TNRC6A: variants seen among roughly 807,000 people sequenced by gnomAD.
TNRC6A encodes the protein trinucleotide repeat-containing gene 6A protein.
A neutral mutation model predicts 221.2 loss-of-function variants in TNRC6A; 44 were observed. That is an observed-to-expected ratio of 0.20 (90% CI 0.16 to 0.26). The LOEUF (loss-of-function observed/expected upper bound fraction) is 0.26. Among genes scored for constraint, TNRC6A ranks in the 10% least tolerant of loss-of-function variants. TNRC6A has a pLI of 1.00. For missense variants in TNRC6A, 2,199 were observed against 2,404.4 expected (o/e 0.91, Z 1.79); for synonymous variants, 847 against 838.5 (o/e 1.01, Z -0.18).
intron 4 of TNRC6A, among the ~76,000 whole-genome samples, chr16:24,770,488 G>C (rs940298331): frequency 6.6e-6 from 1 of 152,174 alleles, no homozygotes; most frequent in Non-Finnish European, 1.5e-5. Context: ...TGGAGACACA[G>C]GATGCATTTG....
At chr16:24,816,626 G>C in intron 19 of TNRC6A, 190 bp from the exon 20 acceptor site, 1 of 651,830 alleles carries the variant, frequency 1.5e-6, no homozygotes. Flanking sequence ...GTAAAAACTT[G>C]CAAGTAATTT....
At chr16:24,772,654 A>G (rs972310788) in intron 4 of TNRC6A, among the ~76,000 whole-genome samples, 4 of 152,100 alleles carry the variant, frequency 2.6e-5, no homozygotes, top group African/African-American at 9.7e-5. Flanking sequence ...CTGGTGGCAC[A>G]CACCTGTAAT....
At chr16:24,720,173 G>T (rs1023181703) in intron 2 of TNRC6A, among the ~76,000 whole-genome samples, 1 of 152,140 alleles carries the variant, frequency 6.6e-6, no homozygotes, top group Non-Finnish European at 1.5e-5. Flanking sequence ...AAAAGAAGAT[G>T]ATCTCACTTT....
At chr16:24,757,171 A>C (rs1567430697) in intron 3 of TNRC6A, among the ~76,000 whole-genome samples, 1 of 152,174 alleles carries the variant, frequency 6.6e-6, no homozygotes, top group Non-Finnish European at 1.5e-5. Flanking sequence ...ATAGAGTAAA[A>C]GATGAGCCTC....
At chr16:24,677,164 CT>C (rs57906267) in intron 2 of TNRC6A, among the ~76,000 whole-genome samples, 1,928 of 138,754 alleles carry the variant, frequency 0.014, 35 homozygotes, top group African/African-American at 0.041. Flanking sequence ...CTTTTTTTTT[CT>C]TTTTTTTTTT....
At chr16:24,814,124 C>T (rs1404106317) in intron 18 of TNRC6A, among the ~76,000 whole-genome samples, 1 of 152,200 alleles carries the variant, frequency 6.6e-6, no homozygotes, top group South Asian at 2.1e-4. Context: ...TAGGTCAGTG[C>T]CCACCAGCGA....
At chr16:24,718,272 C>T (rs2056351130) in intron 2 of TNRC6A, among the ~76,000 whole-genome samples, 1 of 152,140 alleles carries the variant, frequency 6.6e-6, no homozygotes, top group South Asian at 2.1e-4. Flanking sequence ...ATGCTCAAGG[C>T]GTTCTTTTCA....
chr16:24,735,227 C>T (rs1295881011), intron 2 of TNRC6A, among the ~76,000 whole-genome samples: 1 of 152,022 alleles, frequency 6.6e-6, no homozygotes, highest in African/African-American at 2.4e-5. Context: ...TGCAGTGAGC[C>T]GAGATTGTGC....
chr16:24,673,741 TG>T (rs2055351977), intron 2 of TNRC6A, among the ~76,000 whole-genome samples: 1 of 152,118 alleles, frequency 6.6e-6, no homozygotes, highest in Non-Finnish European at 1.5e-5. Flanking sequence ...TTCTAATTTT[TG>T]TAGAGACAGA....
chr16:24,747,313 T>A (rs2057034825), intron 2 of TNRC6A, among the ~76,000 whole-genome samples: 1 of 152,212 alleles, frequency 6.6e-6, no homozygotes, highest in African/African-American at 2.4e-5. Flanking sequence ...ACAGGCCACC[T>A]CAAAGCCTTT....
chr16:24,681,908 T>C (rs1164296044), intron 2 of TNRC6A, among the ~76,000 whole-genome samples: 1 of 152,246 alleles, frequency 6.6e-6, no homozygotes, highest in Non-Finnish European at 1.5e-5. Flanking sequence ...TATTTTAAAA[T>C]GTTGCAACGT....
At chr16:24,626,709 G>A (rs1901018271) in intron 1 of TNRC6A, among the ~76,000 whole-genome samples, 2 of 147,930 alleles carry the variant, frequency 1.4e-5, no homozygotes, top group South Asian at 4.3e-4. Flanking sequence ...GAATGCAGTG[G>A]CACTATCTCC....
chr16:24,757,656 G>A (rs1303042376), intron 3 of TNRC6A, among the ~76,000 whole-genome samples: 1 of 152,184 alleles, frequency 6.6e-6, no homozygotes. Context: ...CAGTTGTGGT[G>A]TCAGAAAATA....
In TNRC6A at chr16:24,815,312, T is replaced by C; in HGVS notation, c.4831+7T>C. 7 of 1,613,986 alleles carry C rather than the reference T, an allele frequency of 4.3e-6. No homozygotes were observed. Among genetic ancestry groups the C allele is most frequent in the Non-Finnish European group, 5.9e-6 (7 of 1,179,900 alleles). On this transcript the variant is annotated splice_region_variant and intron_variant, in intron 19 of 24. Coordinates refer to ENST00000395799, the MANE Select transcript of TNRC6A (RefSeq NM_014494.4). ...AGTGTTAATTGGCCACCAGGTAAAA[T>C]TTTTTCTAACACTTTCTTTCATGAG... is the stretch of plus-strand genomic sequence containing the variant.
rs191561199 is a variant in TNRC6A, at chr16:24,776,499, A to G, written c.164-434A>G. On this transcript the variant is annotated intron_variant, in intron 4 of 24. Transcript: ENST00000395799. ...GTTGTCTTCCAAAGATGAAAAATAG[A>G]GACCAAACACATTAACAATGAGGCA... 1.0e-5 allele frequency: 10 copies of G among 985,476 alleles called. No homozygotes were observed. The Admixed American group carries it at 6.1e-4, about 60-fold the overall frequency. 61.0% of individuals were successfully genotyped at this position (985,476 alleles called of 1,614,324 possible). A position where few individuals can be genotyped will look rare whatever the true frequency, so the allele number is the denominator to read the frequency against.
intron 1 of TNRC6A, 59 bp downstream of exon 1, chr16:24,729,905 C>T (rs1187252820): frequency 3.3e-5 from 39 of 1,187,654 alleles, no homozygotes; most frequent in Non-Finnish European, 3.6e-5. Flanking sequence ...GCCGCAGGGC[C>T]CGCAACCCGC....
In TNRC6A at chr16:24,806,248, G is replaced by T. The variant is rs199908180; in HGVS notation, c.4294G>T (p.Val1432Leu). The change falls in exon 16 of 25, where the codon GTG becomes TTG. Residue 1432 changes from valine to leucine, a missense_variant. Transcript: ENST00000395799. ...QQQRAQSQRSVPSGNRPQQDQ... is the reference protein window; with the variant it reads ...QQQRAQSQRSLPSGNRPQQDQ... ...GCAAAGGGCGCAGAGTCAGAGAAGC[G>T]TGCCTTCTGGGAACCGGCCGCAGCA... The T allele has an allele frequency of 6.2e-7, 1 of 1,614,198 alleles. No homozygotes were observed. The highest frequency in any genetic ancestry group is 2.2e-5 in the East Asian group (1 of 44,892).
At chr16:24,702,234 A>G (rs1384648741) in intron 2 of TNRC6A, among the ~76,000 whole-genome samples, 2 of 143,796 alleles carry the variant, frequency 1.4e-5, no homozygotes, top group Admixed American at 7.3e-5. Context: ...CTGGAGTGCA[A>G]TGGCACAATC....
At chr16:24,612,142 C>A (rs1009972314) in intron 1 of TNRC6A, among the ~76,000 whole-genome samples, 2 of 152,086 alleles carry the variant, frequency 1.3e-5, no homozygotes, top group Non-Finnish European at 2.9e-5. Context: ...TAAATTAAAT[C>A]ATGGCAGTAT....
Sources: gnomAD v4.1 joint callset for allele counts (sites outside exome capture counted in the v4.1 genomes callset) on GRCh38, gnomAD v4.1.1 for gene constraint, MANE v1.5 for transcripts, NCBI Gene and HGNC (gene_info 2026-07-23, HGNC 2026-07-21) for gene names.